C1QTNF3: variants seen among roughly 807,000 people sequenced by gnomAD.
C1QTNF3 encodes complement C1q tumor necrosis factor-related protein 3.
Under a neutral mutation model 32.6 loss-of-function variants are expected in C1QTNF3, and 26 were observed. The ratio of observed to expected loss-of-function variants is 0.80; its 90% CI spans 0.58 to 1.11. C1QTNF3 has a LOEUF of 1.11. C1QTNF3 is among the 50% of genes least tolerant of loss of function. C1QTNF3 has a pLI of 0.00. For missense variants in C1QTNF3, 362 were observed against 398.2 expected (o/e 0.91, Z 0.77); for synonymous variants, 155 against 146.0 (o/e 1.06, Z -0.44).
chr5:34,111,706 A>G, the C1QTNF3 span, among the ~76,000 whole-genome samples: 1 of 151,538 alleles, frequency 6.6e-6, no homozygotes, highest in Non-Finnish European at 1.5e-5. Flanking sequence ...GAGCCCAGGA[A>G]CTCTATGCTC....
At chr5:34,056,455 T>TGTGTGTGTGC in the C1QTNF3 span, among the ~76,000 whole-genome samples, 1 of 39,030 alleles carries the variant, frequency 2.6e-5, no homozygotes, top group African/African-American at 1.1e-4. Flanking sequence ...TGTGTGTGTG[T>TGTGTGTGTGC]ATATATATAT....
the C1QTNF3 span, among the ~76,000 whole-genome samples, chr5:34,173,165 C>G: frequency 6.6e-6 from 1 of 152,040 alleles, no homozygotes; most frequent in East Asian, 1.9e-4. Context: ...ATACTATACA[C>G]TCTTATGATA....
chr5:34,138,843 CATT>C, the C1QTNF3 span, among the ~76,000 whole-genome samples: 1 of 152,090 alleles, frequency 6.6e-6, no homozygotes, highest in Admixed American at 6.6e-5. Context: ...ACACAAGCAT[CATT>C]GTTTTAAGCA....
the C1QTNF3 span, among the ~76,000 whole-genome samples, chr5:34,074,521 T>C: frequency 1.3e-5 from 2 of 151,654 alleles, no homozygotes; most frequent in Non-Finnish European, 1.5e-5. Context: ...GTAAGATTTA[T>C]TTAAAAATGC....
chr5:34,087,561 C>T, the C1QTNF3 span, among the ~76,000 whole-genome samples: 2 of 141,510 alleles, frequency 1.4e-5, no homozygotes, highest in Non-Finnish European at 1.5e-5. Flanking sequence ...TCAGTAAGAA[C>T]GCTTTTGTCT....
At chr5:34,077,619 T>C in the C1QTNF3 span, among the ~76,000 whole-genome samples, 1 of 151,612 alleles carries the variant, frequency 6.6e-6, no homozygotes, top group South Asian at 2.1e-4. Flanking sequence ...TTTAAGTATA[T>C]AAACAATAGA....
the C1QTNF3 span, among the ~76,000 whole-genome samples, chr5:34,198,017 C>T: frequency 5.5e-5 from 8 of 145,302 alleles, no homozygotes; most frequent in African/African-American, 2.1e-4. Context: ...AGGCAGATCA[C>T]GAGGTCAGGA....
chr5:34,061,412 C>G, the C1QTNF3 span, among the ~76,000 whole-genome samples: 1 of 152,194 alleles, frequency 6.6e-6, no homozygotes, highest in Non-Finnish European at 1.5e-5. Context: ...CTAAGCAGTG[C>G]CCCAGTAGGG....
At chr5:34,176,033 T>C in the C1QTNF3 span, 1 of 636,966 alleles carries the variant, frequency 1.6e-6, no homozygotes, top group African/African-American at 1.8e-5. Flanking sequence ...ATCCACTTGA[T>C]GGTGACCAAA....
the C1QTNF3 span, among the ~76,000 whole-genome samples, chr5:34,206,877 G>T: frequency 6.6e-6 from 1 of 152,120 alleles, no homozygotes; most frequent in Non-Finnish European, 1.5e-5. Flanking sequence ...TTCTTGATGG[G>T]CATCTAAATG....
chr5:34,228,670 A>G, the C1QTNF3 span, among the ~76,000 whole-genome samples: 1 of 151,796 alleles, frequency 6.6e-6, no homozygotes, highest in Non-Finnish European at 1.5e-5. Context: ...GAATCACTAT[A>G]TGAGATATCG....
the C1QTNF3 span, among the ~76,000 whole-genome samples, chr5:34,178,104 TAAAAAA>T: frequency 3.1e-3 from 238 of 76,498 alleles, 1 homozygote; most frequent in African/African-American, 0.012. Flanking sequence ...TCATCTCTAC[TAAAAAA>T]AAAAAAAAAA....
chr5:34,235,751 G>A, the C1QTNF3 span, among the ~76,000 whole-genome samples: 2 of 151,966 alleles, frequency 1.3e-5, no homozygotes, highest in Admixed American at 1.3e-4. Flanking sequence ...CTCTGAGTTT[G>A]GTTTACTTGT....
At chr5:34,080,236 A>C in the C1QTNF3 span, among the ~76,000 whole-genome samples, 1,881 of 151,840 alleles carry the variant, frequency 0.012, 23 homozygotes, top group South Asian at 0.029. Flanking sequence ...CACTATAAAC[A>C]ATTTAGCATG....
At chr5:34,229,658 G>A in the C1QTNF3 span, among the ~76,000 whole-genome samples, 16 of 152,292 alleles carry the variant, frequency 1.1e-4, no homozygotes, top group African/African-American at 3.1e-4. Context: ...GATATAAAAG[G>A]AGAATGTGAA....
At chr5:34,139,414 T>C in the C1QTNF3 span, among the ~76,000 whole-genome samples, 1 of 152,096 alleles carries the variant, frequency 6.6e-6, no homozygotes, top group East Asian at 1.9e-4. Context: ...CACCCTATCC[T>C]CCCTTCTCAA....
chr5:34,164,026 G>A, the C1QTNF3 span, among the ~76,000 whole-genome samples: 118 of 152,254 alleles, frequency 7.8e-4, no homozygotes, highest in African/African-American at 2.7e-3. Flanking sequence ...CAGTGCTGAC[G>A]TGATCTTAAC....
chr5:34,220,375 T>C, the C1QTNF3 span, among the ~76,000 whole-genome samples: 3 of 152,000 alleles, frequency 2.0e-5, no homozygotes, highest in Admixed American at 6.6e-5. Context: ...GTCAAAGTAA[T>C]GAGCTTTCTA....
chr5:34,074,905 CTG>C, the C1QTNF3 span, among the ~76,000 whole-genome samples: 3 of 151,790 alleles, frequency 2.0e-5, no homozygotes, highest in East Asian at 5.8e-4. Flanking sequence ...TGTCTTGAGA[CTG>C]TTGGAAAGCT....
Sources: gnomAD v4.1 joint callset for allele counts (sites outside exome capture counted in the v4.1 genomes callset) on GRCh38, gnomAD v4.1.1 for gene constraint, MANE v1.5 for transcripts, NCBI Gene and HGNC (gene_info 2026-07-23, HGNC 2026-07-21) for gene names.